Variants in ASH1L observed in about 807,000 individuals in gnomAD.
ASH1L encodes the protein histone-lysine N-methyltransferase ASH1L.
In ASH1L, 23 loss-of-function variants were observed where a neutral mutation model predicts 269.0. The ratio of observed to expected loss-of-function variants is 0.09; its 90% confidence interval spans 0.06 to 0.12. ASH1L has a LOEUF of 0.12. Among genes scored for constraint, ASH1L ranks in the 10% least tolerant of loss-of-function variants. ASH1L has a pLI of 1.00. For missense variants in ASH1L, 2,912 were observed against 3,567.8 expected (o/e 0.82, Z 4.68); for synonymous variants, 1,187 against 1,253.5 (o/e 0.95, Z 1.12).
chr1:155,402,086 TAA>T (rs1032323478), intron 6 of ASH1L, among the ~76,000 whole-genome samples: 2 of 145,574 alleles, frequency 1.4e-5, no homozygotes, highest in Non-Finnish European at 3.0e-5. Context: ...CAAGACTGTC[TAA>T]AAAAAAAAAA....
chr1:155,562,643 C>G lies in ASH1L; in HGVS notation c.-590G>C. 3.3e-6 allele frequency: 5 copies of G among 1,525,964 alleles called. No homozygotes were observed. Among genetic ancestry groups the G allele is most frequent in the Non-Finnish European group, 4.4e-6 (5 of 1,140,466 alleles). The allele number at this position is 1,525,964 out of a possible 1,614,324, so 94.5% of individuals were successfully genotyped here. On this transcript the variant is annotated 5_prime_UTR_variant, in exon 1 of 28. Coordinates refer to ENST00000392403, the MANE Select transcript of ASH1L (RefSeq NM_018489.3). ...GTCTACGGGCTCGTCGCTGGCTGCT[C>G]CCACCAACCACCACCTTCGGCCGCC...
chr1:155,510,411 CAAAAAAAA>C (rs1161549080), intron 2 of ASH1L, among the ~76,000 whole-genome samples: 1 of 40,958 alleles, frequency 2.4e-5, no homozygotes, highest in Non-Finnish European at 5.8e-5. Context: ...AAGGCTGCCT[CAAAAAAAA>C]AAAAAAAAAA....
intron 6 of ASH1L, among the ~76,000 whole-genome samples, chr1:155,404,412 C>T (rs1460458319): frequency 6.6e-6 from 1 of 151,922 alleles, no homozygotes; most frequent in East Asian, 1.9e-4. Flanking sequence ...AGTGGCTAAC[C>T]CCTGTAATCC....
intron 10 of ASH1L, among the ~76,000 whole-genome samples, chr1:155,376,669 C>T (rs1304756066): frequency 6.7e-6 from 1 of 150,154 alleles, no homozygotes; most frequent in Non-Finnish European, 1.5e-5. Context: ...CAGAGCGCGA[C>T]TCTGTCTCAA....
At chr1:155,440,032 A>G (rs1395253095) in intron 4 of ASH1L, among the ~76,000 whole-genome samples, 6 of 151,978 alleles carry the variant, frequency 3.9e-5, no homozygotes, top group African/African-American at 1.2e-4. Flanking sequence ...TTTTCAGGCC[A>G]GGAACGGTGG....
intron 1 of ASH1L, among the ~76,000 whole-genome samples, chr1:155,551,793 C>T (rs1671233309): frequency 6.8e-6 from 1 of 147,440 alleles, no homozygotes; most frequent in Non-Finnish European, 1.5e-5. Context: ...CATGGTGAAA[C>T]CCCGTCTCTA....
intron 7 of ASH1L, among the ~76,000 whole-genome samples, chr1:155,394,981 G>C (rs767880173): frequency 4.6e-5 from 7 of 152,160 alleles, no homozygotes; most frequent in Non-Finnish European, 7.4e-5. Context: ...GTCAACTCAG[G>C]CTAGAGTGCA....
At position 155,481,537 on chromosome 1, in the gene ASH1L, T is replaced by C; in HGVS notation, c.1333A>G (p.Asn445Asp). The C allele has an allele frequency of 1.9e-6, 3 of 1,614,218 alleles. No individual in the cohort carries two copies. Among genetic ancestry groups the C allele is most frequent in the Non-Finnish European group, 2.5e-6 (3 of 1,180,014 alleles). ...PLKASCSTNI[N>D]NQESQELSES... ...GAAAGTTCCTGACTTTCCTGATTATTGATGTTTGTACTACAAGAAGCCTTA... is the reference window on the plus strand; with the variant it reads ...GAAAGTTCCTGACTTTCCTGATTATCGATGTTTGTACTACAAGAAGCCTTA... Residue 445 changes from asparagine to aspartate, a missense_variant, in exon 3 of 28, where the codon AAT becomes GAT. Asn to Asp is a conservative substitution (Grantham distance 23). Coordinates refer to ENST00000392403, the MANE Select transcript of ASH1L (RefSeq NM_018489.3).
intron 1 of ASH1L, among the ~76,000 whole-genome samples, chr1:155,548,302 A>G (rs939035221): frequency 1.3e-5 from 2 of 152,138 alleles, no homozygotes; most frequent in African/African-American, 4.8e-5. Flanking sequence ...TGGGTGGATC[A>G]CATGAGGTCA....
rs141202225 is a variant in ASH1L, at chr1:155,491,911, G to A, written c.421-9462C>T. 7.4e-3 allele frequency among the ~76,000 whole-genome samples: 1,120 copies of A among 151,942 alleles called. 15 individuals carry two copies. The highest frequency in any genetic ancestry group is 8.0e-3 in the Non-Finnish European group (547 of 67,962). ...TGGTCTCGAACTCTGGACCTCAAGC[G>A]ATCCACTCACCTCAGCCTCTCAATG... is the stretch of plus-strand genomic sequence containing the variant. On this transcript the variant is annotated intron_variant, in intron 2 of 27. Coordinates refer to ENST00000392403, the MANE Select transcript of ASH1L (RefSeq NM_018489.3).
intron 5 of ASH1L, among the ~76,000 whole-genome samples, chr1:155,417,000 C>T (rs1321102572): frequency 6.8e-6 from 1 of 147,620 alleles, no homozygotes; most frequent in Non-Finnish European, 1.5e-5. Context: ...GGTGTGATCT[C>T]GGCTCACTGC....
intron 5 of ASH1L, chr1:155,433,650 G>A (rs1199790845): frequency 3.7e-6 from 6 of 1,605,164 alleles, no homozygotes. Flanking sequence ...AAGCAGAAGA[G>A]GATCACCCTG....
At chr1:155,449,402 A>T (rs1216896474) in intron 4 of ASH1L, among the ~76,000 whole-genome samples, 2 of 152,224 alleles carry the variant, frequency 1.3e-5, no homozygotes, top group Admixed American at 6.5e-5. Context: ...GTGGTCTGAA[A>T]ATATATTCTG....
At chr1:155,372,216 T>A (rs1170429780) in intron 10 of ASH1L, among the ~76,000 whole-genome samples, 1 of 151,882 alleles carries the variant, frequency 6.6e-6, no homozygotes, top group Non-Finnish European at 1.5e-5. Context: ...GGTTTCGAAC[T>A]CCTGACCCCA....
At chr1:155,497,018 C>CT (rs1667199691) in intron 2 of ASH1L, among the ~76,000 whole-genome samples, 1 of 152,102 alleles carries the variant, frequency 6.6e-6, no homozygotes, top group Admixed American at 6.6e-5. Flanking sequence ...TATTCTAACC[C>CT]TTTTAATTTC....
In ASH1L at chr1:155,538,641, C is replaced by CTT. The variant is rs35340905; in HGVS notation, c.-99-17025_-99-17024dup. 8.1e-3 allele frequency among the ~76,000 whole-genome samples: 875 copies of CTT among 107,916 alleles called. 11 individuals carry two copies. The highest frequency in any genetic ancestry group is 0.012 in the Non-Finnish European group (656 of 56,044). The allele number at this position is 107,916 out of a possible 152,430, so 70.8% of individuals were successfully genotyped here. ...ACAGGTGTGAACCACTGTACCCAGC[C>CTT]TTTTTTTTTTTTTTTTTTTTTTAAT... On this transcript the variant is annotated intron_variant, in intron 1 of 27. Coordinates refer to ENST00000392403, the MANE Select transcript of ASH1L (RefSeq NM_018489.3).
chr1:155,475,177 G>A (rs546043333), intron 3 of ASH1L, among the ~76,000 whole-genome samples: 30 of 151,422 alleles, frequency 2.0e-4, no homozygotes, highest in Admixed American at 6.6e-4. Context: ...TTGAGATACA[G>A]TCTCACTCTG....
intron 1 of ASH1L, among the ~76,000 whole-genome samples, chr1:155,541,097 T>G (rs998602834): frequency 6.6e-6 from 1 of 152,142 alleles, no homozygotes; most frequent in Non-Finnish European, 1.5e-5. Context: ...TTATACCAAT[T>G]AAGTTATTTA....
chr1:155,548,282 C>T (rs1488259983), intron 1 of ASH1L, among the ~76,000 whole-genome samples: 1 of 152,004 alleles, frequency 6.6e-6, no homozygotes, highest in Non-Finnish European at 1.5e-5. Context: ...AGCACTTTGG[C>T]AGGCCAAAGT....
Sources: gnomAD v4.1 joint callset for allele counts (sites outside exome capture counted in the v4.1 genomes callset) on GRCh38, gnomAD v4.1.1 for gene constraint, MANE v1.5 for transcripts, NCBI Gene and HGNC (gene_info 2026-07-23, HGNC 2026-07-21) for gene names.